The following KMT2A variants were observed in gnomAD, a reference collection of about 807,000 sequenced individuals.
KMT2A encodes the protein histone-lysine N-methyltransferase 2A.
A neutral mutation model predicts 345.3 loss-of-function variants in KMT2A; 16 were observed. That is an observed-to-expected ratio of 0.05 (90% CI 0.03 to 0.07). The LOEUF is 0.07. Among genes scored for constraint, KMT2A ranks in the 10% least tolerant of loss-of-function variants. The pLI, the probability that KMT2A is intolerant of heterozygous loss-of-function variation, is 1.00. For synonymous variants in KMT2A, 1,599 were observed against 1,778.6 expected (o/e 0.90, Z 2.54); for missense variants, 3,272 against 4,841.6 (o/e 0.68, Z 9.62).
rs1555046289 is a variant in KMT2A at position 118,502,866 on chromosome 11, A to T, written c.6974A>T (p.Asn2325Ile). Residue 2325 changes from asparagine (N) to isoleucine (I), a missense_variant, in exon 27 of 36, where the codon AAT becomes ATT. Physicochemically the swap from Asn to Ile is moderately radical, Grantham distance 149. Around this residue, in one of 27 missense-constraint regions of KMT2A, gnomAD observed 445 missense variants for 500.9 expected, o/e 0.89. Transcript: ENST00000534358. This position sits in a 1 kb window ranked among gnomAD's most constrained non-coding sequence, Gnocchi z 4.9. Reference protein sequence around the residue: ...SSKSSEGSAHNVAYPGIPKLA... With the variant: ...SSKSSEGSAHIVAYPGIPKLA... ...AAGAGCTCAGAGGGATCTGCACATAATGTGGCTTACCCTGGAATTCCTAAA... is the reference window on the plus strand; with the variant it reads ...AAGAGCTCAGAGGGATCTGCACATATTGTGGCTTACCCTGGAATTCCTAAA... 1 of 1,614,182 alleles carries T rather than the reference A, an allele frequency of 6.2e-7. No individual in the cohort carries two copies. The highest frequency in any genetic ancestry group is 1.7e-5 in the Admixed American group (1 of 60,026).
At position 118,505,090 on chromosome 11, in the gene KMT2A, T is replaced by C. The variant is rs1486015420; in HGVS notation, c.9198T>C (p.Ala3066=). The change falls in exon 27 of 36, where the codon GCT becomes GCC. Residue 3066 remains alanine, a synonymous_variant. Coordinates refer to ENST00000534358, the MANE Select transcript of KMT2A (RefSeq NM_001197104.2). The surrounding 1 kb of genome is among the most constrained non-coding windows in gnomAD (Gnocchi z 4.6). ...SPGPSQISNA[A]VQTTPPHLKP... is the part of the protein sequence containing the mutation. The stretch of plus-strand genomic sequence containing the variant: ...GCCCGTCTCAGATTTCCAATGCAGC[T>C]GTCCAGACCACTCCACCCCACCTGA... The C allele has an allele frequency of 6.2e-7, 1 of 1,614,042 alleles. No individual in the cohort carries two copies. Among genetic ancestry groups the C allele is most frequent in the African/African-American group, 1.3e-5 (1 of 74,918 alleles).
chr11:118,479,097 A>AATCCAATT (rs1170864500), intron 5 of KMT2A, among the ~76,000 whole-genome samples: 2 of 152,240 alleles, frequency 1.3e-5, no homozygotes, highest in East Asian at 3.8e-4. Flanking sequence ...TATTACAAAC[A>AATCCAATT]ATCCAATTAT....
In KMT2A at chr11:118,504,771, A is replaced by G. The variant is rs1555047397; in HGVS notation, c.8879A>G (p.Glu2960Gly). The G allele has an allele frequency of 1.9e-6, 3 of 1,614,072 alleles. No homozygotes were observed. In the South Asian group the frequency reaches 3.3e-5, roughly 18 times the overall value. The change falls in exon 27 of 36, where the codon GAG (glutamate) becomes GGG (glycine). Residue 2960 changes from glutamate to glycine, a missense_variant. Physicochemically the swap from Glu to Gly is moderately conservative, Grantham distance 98. Coordinates refer to ENST00000534358, the MANE Select transcript of KMT2A (RefSeq NM_001197104.2). The surrounding 1 kb of genome is among the most constrained non-coding windows in gnomAD (Gnocchi z 6.4). Reference protein sequence around the residue: ...SRLAVISDSGEKRVTITEKSV... With the variant: ...SRLAVISDSGGKRVTITEKSV... ...CTAGCTGTTATCTCAGACTCAGGGG[A>G]GAAGAGAGTAACCATCACAGAAAAA...
intron 1 of KMT2A, among the ~76,000 whole-genome samples, chr11:118,438,684 G>A (rs1462937535): frequency 6.6e-6 from 1 of 152,152 alleles, no homozygotes; most frequent in African/African-American, 2.4e-5. Context: ...AAGAAGGGGA[G>A]GGAGGAGATC....
In KMT2A at chr11:118,484,088, T is replaced by C. The variant is rs1591388110; in HGVS notation, c.4087-95T>C. ...ATGTTGGAAACATGTTTTTTAGATC[T>C]ATTAATAAAATTTGTCATTTGCATT... On this transcript the variant is annotated intron_variant, in intron 8 of 35. Transcript: ENST00000534358. This position sits in a 1 kb window ranked among gnomAD's most constrained non-coding sequence, Gnocchi z 4.1. 1 of 1,181,288 alleles carries C rather than the reference T, an allele frequency of 8.5e-7. No individual in the cohort carries two copies. The allele number at this position is 1,181,288 out of a possible 1,614,324, so 73.2% of individuals were successfully genotyped here.
chr11:118,436,970 C>G lies in KMT2A; in HGVS notation c.432+26C>G, dbSNP rs2134155618. On this transcript the variant is annotated intron_variant, in intron 1 of 35. Coordinates refer to ENST00000534358, the MANE Select transcript of KMT2A (RefSeq NM_001197104.2). The surrounding 1 kb of genome is among the most constrained non-coding windows in gnomAD (Gnocchi z 6.9). ...GTAAGGGGGCGAGGAACCCCCAGGTCCGGGGTCTCGACCCTCTGCGGAGCC... is the reference window on the plus strand; with the variant it reads ...GTAAGGGGGCGAGGAACCCCCAGGTGCGGGGTCTCGACCCTCTGCGGAGCC... 1 of 1,429,936 alleles carries G rather than the reference C, an allele frequency of 7.0e-7. No homozygotes were observed. The highest frequency in any genetic ancestry group is 2.8e-5 in the East Asian group (1 of 35,490). 88.6% of individuals were successfully genotyped at this position (1,429,936 alleles called of 1,614,324 possible). A position where few individuals can be genotyped will look rare whatever the true frequency, so the allele number is the denominator to read the frequency against.
rs1555035865 is a variant in KMT2A, at chr11:118,472,367, T to C, written c.1208T>C (p.Val403Ala). The C allele has an allele frequency of 6.2e-7, 1 of 1,613,688 alleles. No homozygotes were observed. ...QLQGRKVKTQ[V>A]KNIRQFIMPV... Reference sequence around the variant, plus strand: ...CAGGGAAGAAAGGTGAAGACACAGGTCAAAAATATTCGACAGTTCATCATG... The same window carrying C: ...CAGGGAAGAAAGGTGAAGACACAGGCCAAAAATATTCGACAGTTCATCATG... The change falls in exon 3 of 36, where the codon GTC becomes GCC. Residue 403 changes from valine (V) to alanine (A), a missense_variant. By Grantham distance (64) the Val-to-Ala change is moderately conservative (BLOSUM62 0). Coordinates refer to ENST00000534358, the MANE Select transcript of KMT2A (RefSeq NM_001197104.2).
At position 118,505,109 on chromosome 11, in the gene KMT2A, C is replaced by T. The variant is rs376161579; in HGVS notation, c.9217C>T (p.His3073Tyr). 4 of 1,614,032 alleles carry T rather than the reference C, an allele frequency of 2.5e-6. No individual in the cohort carries two copies. The highest frequency in any genetic ancestry group is 3.4e-6 in the Non-Finnish European group (4 of 1,180,010). ...TGCAGCTGTCCAGACCACTCCACCC[C>T]ACCTGAAGCCAGCCACTGAGAAACT... ...SNAAVQTTPP[H>Y]LKPATEKLIV... Residue 3073 changes from histidine (H) to tyrosine (Y), a missense_variant, in exon 27 of 36, where the codon CAC becomes TAC. His to Tyr is a moderately conservative substitution (Grantham distance 83). Around this residue, in one of 27 missense-constraint regions of KMT2A, gnomAD observed 748 missense variants for 922.2 expected, o/e 0.81. Transcript: ENST00000534358. The surrounding 1 kb of genome is among the most constrained non-coding windows in gnomAD (Gnocchi z 4.6).
chr11:118,474,119 A>G lies in KMT2A; in HGVS notation c.2960A>G (p.Lys987Arg). The G allele has an allele frequency of 1.2e-6, 2 of 1,614,214 alleles. No homozygotes were observed. Among genetic ancestry groups the G allele is most frequent in the Non-Finnish European group, 1.7e-6 (2 of 1,180,034 alleles). ...ACTGCCCCATCCCTGGAGAAGGAGA[A>G]AACCCTCTGCCTTTCCACTCCTTCA... is the stretch of plus-strand genomic sequence containing the variant. The part of the protein sequence containing the change: ...GPTAPSLEKE[K>R]TLCLSTPSSS... The change falls in exon 3 of 36, where the codon AAA (lysine) becomes AGA (arginine). Residue 987 changes from lysine to arginine, a missense_variant. Lys to Arg is a conservative substitution (Grantham distance 26). Around this residue, in one of 27 missense-constraint regions of KMT2A, gnomAD observed 39 missense variants for 88.9 expected, o/e 0.44. Transcript: ENST00000534358.
At chr11:118,439,288 CTA>C (rs1467883696) in intron 1 of KMT2A, among the ~76,000 whole-genome samples, 1 of 152,136 alleles carries the variant, frequency 6.6e-6, no homozygotes, top group Non-Finnish European at 1.5e-5. Context: ...AAGAAAGTCT[CTA>C]TTAGGAGAAG....
chr11:118,502,408 C>G lies in KMT2A; in HGVS notation c.6516C>G (p.Thr2172=), dbSNP rs782075035. 8.1e-6 allele frequency: 13 copies of G among 1,596,272 alleles called. No individual in the cohort carries two copies. In the Admixed American group the frequency reaches 2.3e-4, roughly 28 times the overall value. The change falls in exon 27 of 36, where the codon ACC becomes ACG. Residue 2172 remains threonine (T), a synonymous_variant. Coordinates refer to ENST00000534358, the MANE Select transcript of KMT2A (RefSeq NM_001197104.2). This position sits in a 1 kb window ranked among gnomAD's most constrained non-coding sequence, Gnocchi z 4.9. The part of the protein sequence containing the change: ...CRPLPSAGSP[T]PTTHEIVTVG... ...TTCTCTCTTGTTTAGGAAGTCCTAC[C>G]CCAACCACTCATGAAATAGTCACAG...
chr11:118,474,935 G>T (rs1950007515), intron 3 of KMT2A, among the ~76,000 whole-genome samples: 1 of 151,790 alleles, frequency 6.6e-6, no homozygotes, highest in South Asian at 2.1e-4. Flanking sequence ...GACCAGCCTG[G>T]CCTGGCCAAC....
At position 118,467,604 on chromosome 11, in the gene KMT2A, A is replaced by G. The variant is rs570032741; in HGVS notation, c.433-1171A>G. 2.6e-5 allele frequency among the ~76,000 whole-genome samples: 4 copies of G among 152,328 alleles called. No homozygotes were observed. The East Asian group carries it at 7.7e-4, about 29-fold the overall frequency. Reference sequence around the variant, plus strand: ...AGAGATGAACCTGCTAATTTGTCCTAAAAGTTATATATGTCTTTTAATATA... The same window carrying G: ...AGAGATGAACCTGCTAATTTGTCCTGAAAGTTATATATGTCTTTTAATATA... On this transcript the variant is annotated intron_variant, in intron 1 of 35. Transcript: ENST00000534358.
In KMT2A at chr11:118,520,731, G is replaced by C; in HGVS notation, c.11430-71G>C. ...CAAAGAGTGTACTAATTGTCTCTAG[G>C]AACCTTCGATTCAAGACTCAAAACA... On this transcript the variant is annotated intron_variant, in intron 33 of 35. Transcript: ENST00000534358. This position sits in a 1 kb window ranked among gnomAD's most constrained non-coding sequence, Gnocchi z 4.3. 2 of 1,121,604 alleles carry C rather than the reference G, an allele frequency of 1.8e-6. No individual in the cohort carries two copies. Among genetic ancestry groups the C allele is most frequent in the Non-Finnish European group, 2.7e-6 (2 of 734,212 alleles). The allele number at this position is 1,121,604 out of a possible 1,614,324, so 69.5% of individuals were successfully genotyped here. A position where few individuals can be genotyped will look rare whatever the true frequency, so the allele number is the denominator to read the frequency against.
chr11:118,455,718 G>A (rs1302519223), intron 1 of KMT2A, among the ~76,000 whole-genome samples: 4 of 146,804 alleles, frequency 2.7e-5, no homozygotes, highest in African/African-American at 1.0e-4. Flanking sequence ...TTTTTTTTGA[G>A]GCAGGGTCTC....
chr11:118,503,491 A>T lies in KMT2A; in HGVS notation c.7599A>T (p.Glu2533Asp). The T allele has an allele frequency of 9.3e-6, 15 of 1,614,204 alleles. No individual in the cohort carries two copies. Among genetic ancestry groups the T allele is most frequent in the Non-Finnish European group, 1.3e-5 (15 of 1,180,028 alleles). The change falls in exon 27 of 36, where the codon GAA (glutamate) becomes GAT (aspartate). Residue 2533 changes from glutamate (E) to aspartate (D), a missense_variant. This residue lies in a region of KMT2A where 445 missense variants were observed against 500.9 expected (regional missense o/e 0.89). Transcript: ENST00000534358. The surrounding 1 kb of genome is among the most constrained non-coding windows in gnomAD (Gnocchi z 5.3). ...TGACACTGACACCTCTAAAAATGGAAAATGAGAGTCAATCCAAAAATGCCC... is the reference window on the plus strand; with the variant it reads ...TGACACTGACACCTCTAAAAATGGATAATGAGAGTCAATCCAAAAATGCCC... ...VKVTLTPLKM[E>D]NESQSKNALK...
At position 118,497,262 on chromosome 11, in the gene KMT2A, C is replaced by T. The variant is rs2134360483; in HGVS notation, c.5665-674C>T. ...CAGGTGATCCACCCACCTCATATCC[C>T]AAAGTGGTGGGATTACAGGCGTGAG... On this transcript the variant is annotated intron_variant, in intron 20 of 35. Transcript: ENST00000534358. The surrounding 1 kb of genome is among the most constrained non-coding windows in gnomAD (Gnocchi z 4.8). Among the ~76,000 whole-genome samples, 2 of 152,270 alleles carry T rather than the reference C, an allele frequency of 1.3e-5. No homozygotes were observed. The highest frequency in any genetic ancestry group is 4.8e-5 in the African/African-American group (2 of 41,542).
chr11:118,447,268 G>A (rs1230775039), intron 1 of KMT2A, among the ~76,000 whole-genome samples: 1 of 152,142 alleles, frequency 6.6e-6, no homozygotes, highest in African/African-American at 2.4e-5. Context: ...TAAGACACGG[G>A]CCATTTCTAA....
At chr11:118,516,650 G>A (rs192089018) in intron 31 of KMT2A, among the ~76,000 whole-genome samples, 274 of 152,232 alleles carry the variant, frequency 1.8e-3, no homozygotes, top group Non-Finnish European at 3.1e-3. Flanking sequence ...GGTCCTGTCT[G>A]GCACAGTGGA....
Sources: gnomAD v4.1 joint callset for allele counts (sites outside exome capture counted in the v4.1 genomes callset) on GRCh38, gnomAD v4.1.1 for gene constraint, gnomAD v4.1.1 regional missense constraint, Gnocchi (gnomAD v3.1) non-coding constraint, MANE v1.5 for transcripts, NCBI Gene and HGNC (gene_info 2026-07-23, HGNC 2026-07-21) for gene names.